MTMR10: variants seen among roughly 807,000 people sequenced by gnomAD.
MTMR10 encodes myotubularin related protein 10.
In MTMR10, 56 loss-of-function variants were observed where a neutral mutation model predicts 88.1. The observed-to-expected ratio is 0.64, with a 90% CI of 0.51 to 0.79. MTMR10 has a LOEUF of 0.79. Among genes scored for constraint, MTMR10 ranks in the 30% least tolerant of loss-of-function variants. The pLI is 0.00. For missense variants in MTMR10, 883 were observed against 924.7 expected (o/e 0.95, Z 0.58); for synonymous variants, 380 against 340.9 (o/e 1.11, Z -1.26).
At chr15:30,958,522 C>T (rs1167268236) in intron 9 of MTMR10, among the ~76,000 whole-genome samples, 4 of 152,178 alleles carry the variant, frequency 2.6e-5, no homozygotes, top group African/African-American at 9.7e-5. Flanking sequence ...CTAAATAAGA[C>T]ACATCAAACT....
chr15:30,922,739 G>C, the MTMR10 span, among the ~76,000 whole-genome samples: 3 of 152,330 alleles, frequency 2.0e-5, no homozygotes, highest in East Asian at 5.8e-4. Context: ...TGTAGCACAG[G>C]GTCTCTAGGT....
chr15:30,923,387 A>G, the MTMR10 span, among the ~76,000 whole-genome samples: 202 of 152,290 alleles, frequency 1.3e-3, no homozygotes, highest in African/African-American at 4.6e-3. Context: ...ATAAAAGTTC[A>G]AGAGAGTACA....
chr15:30,926,555 TTC>T, the MTMR10 span: 2 of 909,322 alleles, frequency 2.2e-6, no homozygotes, highest in Non-Finnish European at 2.6e-6. Context: ...AAAGCCCAGG[TTC>T]TTTCTGATGA....
chr15:30,950,790 A>G (rs1019828273), intron 12 of MTMR10, among the ~76,000 whole-genome samples: 9 of 152,180 alleles, frequency 5.9e-5, no homozygotes, highest in African/African-American at 2.2e-4. Context: ...CCTCCTTTGG[A>G]TACCAAGATC....
intron 6 of MTMR10, chr15:30,965,777 G>C (rs1322241285): frequency 3.4e-6 from 1 of 296,820 alleles, no homozygotes; most frequent in Non-Finnish European, 6.7e-6. Context: ...ATGAAAACCT[G>C]AGTGACTAAG....
At chr15:30,985,931 T>C (rs1446322179) in intron 2 of MTMR10, among the ~76,000 whole-genome samples, 1 of 152,180 alleles carries the variant, frequency 6.6e-6, no homozygotes, top group Non-Finnish European at 1.5e-5. Flanking sequence ...GGTGGGTTAT[T>C]AACCTTGCTG....
intron 14 of MTMR10, 101 bp downstream of exon 14, chr15:30,947,028 TA>T: frequency 1.4e-6 from 2 of 1,385,780 alleles, no homozygotes; most frequent in Non-Finnish European, 1.9e-6. Flanking sequence ...GTAAGAATTT[TA>T]AATCATAAGA....
At chr15:30,962,504 A>G (rs1298428731) in intron 6 of MTMR10, among the ~76,000 whole-genome samples, 2 of 152,202 alleles carry the variant, frequency 1.3e-5, no homozygotes, top group African/African-American at 2.4e-5. Context: ...TTTTCCAACC[A>G]AATCAAACCT....
chr15:30,952,091 A>T, intron 11 of MTMR10, 53 bp from the exon 12 acceptor site: 1 of 1,413,864 alleles, frequency 7.1e-7, no homozygotes, highest in Non-Finnish European at 1.0e-6. Context: ...CACTACAAAT[A>T]CATAAAGTAC....
intron 15 of MTMR10, chr15:30,942,630 TA>T: frequency 2.3e-6 from 1 of 443,272 alleles, no homozygotes; most frequent in Admixed American, 3.9e-5. Context: ...AAGAAATGGA[TA>T]AATGGGGCTT....
At chr15:30,965,415 A>C (rs1393946720) in intron 6 of MTMR10, among the ~76,000 whole-genome samples, 2 of 152,254 alleles carry the variant, frequency 1.3e-5, no homozygotes, top group African/African-American at 4.8e-5. Context: ...AGTTGCTGAC[A>C]CTAGGCTGCA....
chr15:30,934,055 C>G (rs2062788044), downstream of MTMR10, among the ~76,000 whole-genome samples: 1 of 152,262 alleles, frequency 6.6e-6, no homozygotes, highest in South Asian at 2.1e-4. Context: ...TGTATTTCTT[C>G]TTGCGTTTCT....
chr15:30,975,248 T>C (rs768869327), intron 3 of MTMR10, among the ~76,000 whole-genome samples: 2 of 152,162 alleles, frequency 1.3e-5, no homozygotes, highest in Admixed American at 6.5e-5. Flanking sequence ...AGCATTTGCA[T>C]GTCTAGATCT....
chr15:30,969,866 C>G (rs2063516684), intron 5 of MTMR10, among the ~76,000 whole-genome samples: 1 of 152,068 alleles, frequency 6.6e-6, no homozygotes, highest in Non-Finnish European at 1.5e-5. Context: ...CTGTCACACT[C>G]TTTGCTTGGA....
chr15:30,988,719 T>C (rs2031110026), intron 2 of MTMR10, among the ~76,000 whole-genome samples: 1 of 152,224 alleles, frequency 6.6e-6, no homozygotes, highest in Non-Finnish European at 1.5e-5. Flanking sequence ...CCAGGCGCAG[T>C]GGCTCACGCC....
In MTMR10 at chr15:30,939,839, A is replaced by G. The variant is rs2140979713; in HGVS notation, c.*1631T>C. 1 of 985,276 alleles carries G rather than the reference A, an allele frequency of 1.0e-6. No individual in the cohort carries two copies. The highest frequency in any genetic ancestry group is 1.2e-6 in the Non-Finnish European group (1 of 829,754). The allele number at this position is 985,276 out of a possible 1,614,324, so 61.0% of individuals were successfully genotyped here. ...CTAATCAAGGACTGTAAAATGTTTA[A>G]TAATTCTATTTGTATAAACTGAAAC... On this transcript the variant is annotated 3_prime_UTR_variant, in exon 16 of 16. Coordinates refer to ENST00000435680, the MANE Select transcript of MTMR10 (RefSeq NM_017762.3).
intron 2 of MTMR10, among the ~76,000 whole-genome samples, chr15:30,982,458 TAAAC>T (rs2030645342): frequency 7.1e-6 from 1 of 141,108 alleles, no homozygotes; most frequent in South Asian, 2.2e-4. Context: ...AAGAAGAAAA[TAAAC>T]AAGAGACACA....
chr15:30,978,533 T>C (rs1028570778), intron 2 of MTMR10, among the ~76,000 whole-genome samples: 5 of 152,204 alleles, frequency 3.3e-5, no homozygotes, highest in African/African-American at 1.2e-4. Context: ...GGGTAAATGA[T>C]ATGTAAGTTA....
the MTMR10 span, chr15:30,925,896 G>GGA: frequency 6.2e-7 from 1 of 1,614,242 alleles, no homozygotes; most frequent in Non-Finnish European, 8.5e-7. Flanking sequence ...GCTCTGTGGA[G>GGA]GAGCTGGCAC....
Sources: allele counts gnomAD v4.1 joint callset (sites outside exome capture counted in the v4.1 genomes callset), GRCh38; gene constraint gnomAD v4.1.1; transcripts MANE v1.5; gene names NCBI Gene and HGNC (gene_info 2026-07-23, HGNC 2026-07-21).